The following ARHGAP10 variants were observed in gnomAD, a reference collection of about 807,000 sequenced individuals.
The protein encoded by ARHGAP10 is rho GTPase-activating protein 10.
A neutral mutation model predicts 108.6 loss-of-function variants in ARHGAP10; 87 were observed. The observed-to-expected ratio is 0.80, with a 90% CI of 0.67 to 0.96. The LOEUF is 0.96. ARHGAP10 is among the 40% of genes least tolerant of loss of function. The probability of loss-of-function intolerance (pLI) is 0.00; values close to 1 mark genes in which losing one functional copy is unlikely to be tolerated. For synonymous variants in ARHGAP10, 347 were observed against 341.1 expected (o/e 1.02, Z -0.19); for missense variants, 939 against 954.5 (o/e 0.98, Z 0.21).
intron 10 of ARHGAP10, among the ~76,000 whole-genome samples, chr4:147,902,401 A>G (rs1427448598): frequency 3.3e-5 from 5 of 152,178 alleles, no homozygotes; most frequent in Non-Finnish European, 1.5e-5. Context: ...ACACTGCTGC[A>G]AAGAACTGCC....
chr4:147,996,508 C>G (rs768928575), intron 18 of ARHGAP10, among the ~76,000 whole-genome samples: 1 of 152,170 alleles, frequency 6.6e-6, no homozygotes, highest in Admixed American at 6.5e-5. Context: ...GAGACTGAGA[C>G]TCCCTGGGGG....
intron 1 of ARHGAP10, among the ~76,000 whole-genome samples, chr4:147,775,237 T>G (rs1730238758): frequency 6.6e-6 from 1 of 152,172 alleles, no homozygotes; most frequent in African/African-American, 2.4e-5. Context: ...GCCCTCAGCA[T>G]TCTCACTCCT....
intron 20 of ARHGAP10, among the ~76,000 whole-genome samples, chr4:148,048,050 T>G (rs1325773306): frequency 1.3e-5 from 2 of 152,172 alleles, no homozygotes; most frequent in African/African-American, 4.8e-5. Context: ...CTCAGACTCC[T>G]GACCTCAAGT....
chr4:147,994,334 C>A (rs926826898), intron 18 of ARHGAP10, among the ~76,000 whole-genome samples: 2 of 152,138 alleles, frequency 1.3e-5, no homozygotes, highest in African/African-American at 4.8e-5. Flanking sequence ...TTGCTTGAGC[C>A]ACACATGCCG....
intron 16 of ARHGAP10, among the ~76,000 whole-genome samples, chr4:147,959,406 T>C (rs546489312): frequency 1.3e-5 from 2 of 152,284 alleles, no homozygotes; most frequent in East Asian, 3.9e-4. Flanking sequence ...CTAGAGTACA[T>C]GTGTACAACG....
chr4:147,911,090 T>C (rs575617186), intron 12 of ARHGAP10, among the ~76,000 whole-genome samples: 20 of 152,154 alleles, frequency 1.3e-4, no homozygotes, highest in Non-Finnish European at 2.8e-4. Flanking sequence ...TCCCTTCTTA[T>C]TGCAGAGACG....
At chr4:147,865,165 C>T (rs2126844981) in intron 6 of ARHGAP10, 1 of 475,884 alleles carries the variant, frequency 2.1e-6, no homozygotes, top group East Asian at 3.9e-5. Flanking sequence ...ACTGATAATA[C>T]ACGTAATATT....
At position 147,860,885 on chromosome 4, in the gene ARHGAP10, A is replaced by G. The variant is rs1009704942; in HGVS notation, c.486+3231A>G. ...AAAACGTATAGTGATTGCCTTTTAG[A>G]TTTGGTCAGGCTGAAGGAAATCATT... is the stretch of plus-strand genomic sequence containing the variant. On this transcript the variant is annotated intron_variant, in intron 5 of 22. Coordinates refer to ENST00000336498, the MANE Select transcript of ARHGAP10 (RefSeq NM_024605.4). The G allele has an allele frequency of 2.0e-5, 3 of 152,352 alleles. No individual in the cohort carries two copies. In the South Asian group the frequency reaches 6.2e-4, roughly 32 times the overall value. The allele number at this position is 152,352 out of a possible 1,614,324, so 9.4% of individuals were successfully genotyped here.
intron 20 of ARHGAP10, among the ~76,000 whole-genome samples, chr4:148,049,828 T>TG (rs1729046984): frequency 3.1e-5 from 1 of 32,146 alleles, no homozygotes; most frequent in African/African-American, 1.0e-4. Context: ...TTGTTTTTTT[T>TG]GGGTGGGGGG....
chr4:148,017,682 A>ATATATATATATATATATGTGTG (rs1437383455), intron 18 of ARHGAP10, among the ~76,000 whole-genome samples: 1 of 135,260 alleles, frequency 7.4e-6, no homozygotes, highest in African/African-American at 2.9e-5. Flanking sequence ...ATATATATAT[A>ATATATATATATATATATGTGTG]TGTGTGTGTA....
intron 1 of ARHGAP10, among the ~76,000 whole-genome samples, chr4:147,773,137 A>T (rs1194872668): frequency 2.6e-5 from 4 of 152,224 alleles, no homozygotes; most frequent in Non-Finnish European, 5.9e-5. Context: ...GTTACAATGT[A>T]TTGTCAAGAT....
At chr4:148,055,415 G>A (rs13149770) in intron 20 of ARHGAP10, among the ~76,000 whole-genome samples, 3 of 151,938 alleles carry the variant, frequency 2.0e-5, no homozygotes, top group African/African-American at 4.8e-5. Flanking sequence ...TCAGCTGGGC[G>A]CGGTGGCATA....
At chr4:148,011,929 A>C (rs933339080) in intron 18 of ARHGAP10, among the ~76,000 whole-genome samples, 13 of 152,232 alleles carry the variant, frequency 8.5e-5, no homozygotes, top group African/African-American at 3.1e-4. Context: ...CTAATCCCCC[A>C]GTAACTAAAC....
intron 11 of ARHGAP10, 41 bp from the exon 12 acceptor site, chr4:147,909,691 A>C (rs761650737): frequency 6.4e-7 from 1 of 1,552,660 alleles, no homozygotes; most frequent in Non-Finnish European, 8.9e-7. Flanking sequence ...ATTTTTGCTG[A>C]TTTGATTAAA....
At chr4:147,791,112 C>CTTTTT (rs368304720) in intron 1 of ARHGAP10, among the ~76,000 whole-genome samples, 2 of 134,258 alleles carry the variant, frequency 1.5e-5, no homozygotes, top group African/African-American at 5.5e-5. Context: ...ATATTCTTTA[C>CTTTTT]TTTTTTTTTT....
intron 22 of ARHGAP10, among the ~76,000 whole-genome samples, chr4:148,070,932 C>T (rs1369466850): frequency 6.6e-6 from 1 of 152,178 alleles, no homozygotes; most frequent in African/African-American, 2.4e-5. Context: ...GTGCTTGGAC[C>T]TGTGCCCTTT....
chr4:148,012,177 AT>A (rs1741195268), intron 18 of ARHGAP10, among the ~76,000 whole-genome samples: 1 of 152,180 alleles, frequency 6.6e-6, no homozygotes, highest in Non-Finnish European at 1.5e-5. Context: ...ACAGTGTGTC[AT>A]TACTTCATTT....
intron 16 of ARHGAP10, among the ~76,000 whole-genome samples, chr4:147,957,288 A>G (rs986532948): frequency 6.6e-6 from 1 of 152,202 alleles, no homozygotes. Context: ...CAAGGTTTCC[A>G]ATGTAGACTT....
At chr4:147,929,586 A>G (rs1737590689) in intron 13 of ARHGAP10, among the ~76,000 whole-genome samples, 1 of 152,180 alleles carries the variant, frequency 6.6e-6, no homozygotes, top group African/African-American at 2.4e-5. Flanking sequence ...TATGTAAGGA[A>G]CACATTATCA....
Sources: gnomAD v4.1 joint callset for allele counts (sites outside exome capture counted in the v4.1 genomes callset) on GRCh38, gnomAD v4.1.1 for gene constraint, MANE v1.5 for transcripts, NCBI Gene and HGNC (gene_info 2026-07-23, HGNC 2026-07-21) for gene names.